BCR: variants seen among roughly 807,000 people sequenced by gnomAD.
BCR encodes BCR activator of RhoGEF and GTPase, also known as breakpoint cluster region protein.
Under a neutral mutation model 138.6 loss-of-function variants are expected in BCR, and 58 were observed. The observed-to-expected ratio is 0.42, with a 90% CI of 0.34 to 0.52. The LOEUF (loss-of-function observed/expected upper bound fraction) is 0.52. Ranked by LOEUF, BCR falls within the 20% of genes least tolerant of loss-of-function variation. BCR has a pLI of 0.06. For synonymous variants in BCR, 786 were observed against 730.1 expected (o/e 1.08, Z -1.23); for missense variants, 1,599 against 1,727.2 (o/e 0.93, Z 1.32).
At chr22:23,291,118 G>A (rs934710915) in intron 14 of BCR, 1 of 151,598 alleles carries the variant, frequency 6.6e-6, no homozygotes, top group African/African-American at 2.4e-5. Flanking sequence ...TGAGGGAAGA[G>A]AATCGCTTGA....
chr22:23,279,240 C>T (rs2073614113), intron 8 of BCR, among the ~76,000 whole-genome samples: 1 of 152,238 alleles, frequency 6.6e-6, no homozygotes, highest in Non-Finnish European at 1.5e-5. Context: ...CATAGTGTCT[C>T]TCAGGGCATA....
chr22:23,273,306 C>T (rs537253094), intron 7 of BCR, among the ~76,000 whole-genome samples, 173 bp downstream of exon 7: 1 of 152,244 alleles, frequency 6.6e-6, no homozygotes, highest in African/African-American at 2.4e-5. Context: ...GAAAGGACAG[C>T]TCTCTCTTGT....
chr22:23,210,591 A>G (rs2072670137), intron 1 of BCR, among the ~76,000 whole-genome samples: 1 of 152,192 alleles, frequency 6.6e-6, no homozygotes, highest in Non-Finnish European at 1.5e-5. Flanking sequence ...TCATCAAGAT[A>G]CACAGCAGGC....
intron 8 of BCR, among the ~76,000 whole-genome samples, chr22:23,276,120 CTGGGCGCGG>C (rs1164531728): frequency 3.3e-5 from 5 of 152,194 alleles, no homozygotes; most frequent in Admixed American, 3.3e-4. Flanking sequence ...CTGGGTGCGG[CTGGGCGCGG>C]TGGCTCACAC....
rs770412439 is a variant in BCR at position 23,314,058 on chromosome 22, T to G, written c.3548T>G (p.Leu1183Arg). 1.9e-6 allele frequency: 3 copies of G among 1,613,322 alleles called. No individual in the cohort carries two copies. In the Admixed American group the frequency reaches 5.0e-5, roughly 27 times the overall value. ...AACCTGCTCACCTTCCTTTTCCTTC[T>G]GGACCACCTGAAAAGGTAGCCCAGC... ...EANLLTFLFLLDHLKRVAEKE... is the reference protein window; with the variant it reads ...EANLLTFLFLRDHLKRVAEKE... Residue 1183 changes from leucine (L) to arginine (R), a missense_variant, in exon 21 of 23, where the codon CTG becomes CGG. By Grantham distance (102) the Leu-to-Arg change is moderately radical. Coordinates refer to ENST00000305877, the MANE Select transcript of BCR (RefSeq NM_004327.4).
At chr22:23,275,603 C>T (rs2073566785) in intron 8 of BCR, among the ~76,000 whole-genome samples, 1 of 152,180 alleles carries the variant, frequency 6.6e-6, no homozygotes, top group South Asian at 2.1e-4. Context: ...CTTGGAGCAA[C>T]AACCGGGCCC....
intron 1 of BCR, among the ~76,000 whole-genome samples, chr22:23,236,985 G>A (rs1443056421): frequency 6.6e-6 from 1 of 152,214 alleles, no homozygotes; most frequent in Non-Finnish European, 1.5e-5. Context: ...TCTTCCACCT[G>A]AGGATTTTCC....
At position 23,181,565 on chromosome 22, in the gene BCR, C is replaced by A. The variant is rs752591972; in HGVS notation, c.605C>A (p.Ser202Tyr). 3.1e-6 allele frequency: 5 copies of A among 1,612,986 alleles called. No homozygotes were observed. The highest frequency in any genetic ancestry group is 1.6e-4 in the Middle Eastern group (1 of 6,062). ...AAAGAGGTGTCGGACCGCATCAGCTCCCTGGGCAGCCAGGCCATGCAGATG... is the reference window on the plus strand; with the variant it reads ...AAAGAGGTGTCGGACCGCATCAGCTACCTGGGCAGCCAGGCCATGCAGATG... ...NDKEVSDRIS[S>Y]LGSQAMQMER... is the part of the protein sequence containing the mutation. The change falls in exon 1 of 23, where the codon TCC becomes TAC. Residue 202 changes from serine (S) to tyrosine (Y), a missense_variant. This residue lies in a region of BCR where 806 missense variants were observed against 635.0 expected (regional missense o/e 1.27). Coordinates refer to ENST00000305877, the MANE Select transcript of BCR (RefSeq NM_004327.4).
intron 5 of BCR, among the ~76,000 whole-genome samples, chr22:23,269,861 C>T (rs1229523506): frequency 1.3e-5 from 2 of 152,164 alleles, no homozygotes; most frequent in African/African-American, 2.4e-5. Context: ...TCCACCCAGA[C>T]AGGTTTCTGC....
chr22:23,207,665 G>A (rs1279936849), intron 1 of BCR, among the ~76,000 whole-genome samples: 1 of 152,166 alleles, frequency 6.6e-6, no homozygotes, highest in Non-Finnish European at 1.5e-5. Flanking sequence ...GGCCATTGTA[G>A]GGGAGGAGGA....
rs2073538252 is a variant in BCR at position 23,273,745 on chromosome 22, C to T, written c.2086C>T (p.Arg696Trp). 6 of 1,614,156 alleles carry T rather than the reference C, an allele frequency of 3.7e-6. No individual in the cohort carries two copies. The highest frequency in any genetic ancestry group is 2.7e-5 in the African/African-American group (2 of 75,064). The change falls in exon 8 of 23, where the codon CGG becomes TGG. Residue 696 changes from arginine (R) to tryptophan (W), a missense_variant. Physicochemically the swap from Arg to Trp is moderately radical, Grantham distance 101 (BLOSUM62 -3). Transcript: ENST00000305877. ...CATCAATGAGGAGATCACACCCCGA[C>T]GGCAGTCCATGACGGTGAAGAAGGG... ...SSINEEITPR[R>W]QSMTVKKGEH... is the part of the protein sequence containing the mutation.
chr22:23,303,958 A>C (rs2073930214), intron 16 of BCR, among the ~76,000 whole-genome samples: 1 of 129,974 alleles, frequency 7.7e-6, no homozygotes, highest in Admixed American at 8.2e-5. Context: ...TTTTTAAGAC[A>C]GGGTCTTGCT....
intron 2 of BCR, among the ~76,000 whole-genome samples, chr22:23,259,520 T>A (rs952472958): frequency 2.0e-5 from 3 of 151,358 alleles, no homozygotes; most frequent in Admixed American, 2.0e-4. Flanking sequence ...AAAAAAAATT[T>A]TTTTTTTTTT....
intron 1 of BCR, chr22:23,198,373 G>A: frequency 2.2e-6 from 1 of 451,424 alleles, no homozygotes; most frequent in South Asian, 1.6e-5. Flanking sequence ...TTCCAAGTAG[G>A]GGCTCCAGAA....
chr22:23,265,377 CCAGCT>C (rs1356221989), intron 4 of BCR, among the ~76,000 whole-genome samples: 2 of 152,248 alleles, frequency 1.3e-5, no homozygotes, highest in Non-Finnish European at 2.9e-5. Flanking sequence ...GTCCCCATGA[CCAGCT>C]CAGTAGGGTT....
intron 4 of BCR, chr22:23,264,498 C>G: frequency 1.8e-6 from 1 of 565,394 alleles, no homozygotes; most frequent in East Asian, 2.9e-5. Flanking sequence ...AGGCACCTTG[C>G]AGTAGAGGCT....
intron 3 of BCR, 50 bp from the exon 4 acceptor site, chr22:23,261,305 C>A (rs757284918): frequency 6.4e-7 from 1 of 1,562,982 alleles, no homozygotes. Context: ...ATGCACCTGA[C>A]GGATGGCAGC....
intron 1 of BCR, among the ~76,000 whole-genome samples, chr22:23,240,287 C>T (rs1055786437): frequency 6.7e-6 from 1 of 149,694 alleles, no homozygotes; most frequent in Admixed American, 6.7e-5. Flanking sequence ...TTTTAAATTT[C>T]AGAGCCTGGC....
rs2072254100 is a variant in BCR, at chr22:23,181,312, G to C, written c.352G>C (p.Asp118His). 7.3e-7 allele frequency: 1 copy of C among 1,366,494 alleles called. No individual in the cohort carries two copies. Among genetic ancestry groups the C allele is most frequent in the Admixed American group, 3.5e-5 (1 of 28,452 alleles). The allele number at this position is 1,366,494 out of a possible 1,614,324, so 84.6% of individuals were successfully genotyped here. The change falls in exon 1 of 23, where the codon GAC (aspartate) becomes CAC (histidine). Residue 118 changes from aspartate (D) to histidine (H), a missense_variant. Physicochemically the swap from Asp to His is moderately conservative, Grantham distance 81 (BLOSUM62 -1). Coordinates refer to ENST00000305877, the MANE Select transcript of BCR (RefSeq NM_004327.4). ...PPAEEPEARPDGEGSPGKARP... is the reference protein window; with the variant it reads ...PPAEEPEARPHGEGSPGKARP... ...CGCCGAGGAGCCCGAGGCCCGGCCC[G>C]ACGGCGAGGGTTCTCCGGGTAAGGC...
Sources: allele counts gnomAD v4.1 joint callset (sites outside exome capture counted in the v4.1 genomes callset), GRCh38; gene constraint gnomAD v4.1.1; regional missense constraint gnomAD v4.1.1; transcripts MANE v1.5; gene names NCBI Gene and HGNC (gene_info 2026-07-23, HGNC 2026-07-21).